ADORA2B: variants seen among roughly 807,000 people sequenced by gnomAD.
The protein encoded by ADORA2B is adenosine A2b receptor.
Under a neutral mutation model 20.8 loss-of-function variants are expected in ADORA2B, and 18 were observed. That is an observed-to-expected ratio of 0.87 (90% confidence interval 0.60 to 1.29). The LOEUF (loss-of-function observed/expected upper bound fraction) is 1.29, where lower values mean the gene tolerates loss of function less well. Ranked by LOEUF, ADORA2B falls within the 50% of genes most tolerant of loss-of-function variation. The pLI is 0.00. For missense variants in ADORA2B, 441 were observed against 422.7 expected (o/e 1.04, Z -0.38); for synonymous variants, 179 against 178.3 (o/e 1.00, Z -0.03).
the ADORA2B span, among the ~76,000 whole-genome samples, chr17:15,899,562 G>A: frequency 2.0e-5 from 3 of 152,136 alleles, no homozygotes; most frequent in African/African-American, 4.8e-5. Flanking sequence ...AGTGAGTATA[G>A]CACCCAGTTG....
the ADORA2B span, among the ~76,000 whole-genome samples, chr17:15,874,122 A>G: frequency 9.6e-6 from 1 of 104,094 alleles, no homozygotes; most frequent in Admixed American, 9.9e-5. Flanking sequence ...ATACATACAC[A>G]CACACACACA....
the ADORA2B span, among the ~76,000 whole-genome samples, chr17:15,864,912 T>G: frequency 6.6e-6 from 1 of 150,910 alleles, no homozygotes; most frequent in African/African-American, 2.5e-5. Context: ...ATGGCATCAG[T>G]GAGGTAGTGG....
At chr17:15,939,866 A>G in the ADORA2B span, among the ~76,000 whole-genome samples, 1 of 151,278 alleles carries the variant, frequency 6.6e-6, no homozygotes, top group Non-Finnish European at 1.5e-5. Context: ...TCTCAAAAAA[A>G]AAAAAAAAAA....
At chr17:15,973,381 G>T (rs1253832729) in intron 1 of ADORA2B, among the ~76,000 whole-genome samples, 1 of 152,158 alleles carries the variant, frequency 6.6e-6, no homozygotes, top group African/African-American at 2.4e-5. Context: ...ACCCCTGCTA[G>T]ATCTGAGTCT....
chr17:15,889,542 G>A, the ADORA2B span, among the ~76,000 whole-genome samples: 3 of 130,232 alleles, frequency 2.3e-5, 1 homozygote, highest in Non-Finnish European at 4.9e-5. Flanking sequence ...TTACAGGAAT[G>A]TCTGAAGATT....
chr17:15,891,872 G>T, the ADORA2B span, among the ~76,000 whole-genome samples: 1 of 136,384 alleles, frequency 7.3e-6, no homozygotes, highest in Non-Finnish European at 1.5e-5. Context: ...TTTTGAGATG[G>T]AATCTCCCTC....
At chr17:15,924,482 T>C in the ADORA2B span, among the ~76,000 whole-genome samples, 1 of 152,116 alleles carries the variant, frequency 6.6e-6, no homozygotes, top group African/African-American at 2.4e-5. Flanking sequence ...AGTTAGGCAG[T>C]ATTCTTTGGG....
chr17:15,948,812 G>C (rs1260920234), intron 1 of ADORA2B, among the ~76,000 whole-genome samples: 3 of 152,124 alleles, frequency 2.0e-5, no homozygotes, highest in Non-Finnish European at 2.9e-5. Flanking sequence ...TGTGCCTCAC[G>C]TATCTGGTCT....
chr17:15,910,103 C>G, the ADORA2B span, among the ~76,000 whole-genome samples: 1 of 152,136 alleles, frequency 6.6e-6, no homozygotes, highest in African/African-American at 2.4e-5. Context: ...AGCCTGTTAG[C>G]GCTCCTCTGA....
chr17:15,893,244 C>A, the ADORA2B span, among the ~76,000 whole-genome samples: 1 of 152,182 alleles, frequency 6.6e-6, no homozygotes, highest in Admixed American at 6.5e-5. Context: ...CTGAGACTTC[C>A]TTCTATCAAA....
chr17:15,973,698 T>A (rs772525074), intron 1 of ADORA2B, among the ~76,000 whole-genome samples: 1 of 152,176 alleles, frequency 6.6e-6, no homozygotes, highest in African/African-American at 2.4e-5. Flanking sequence ...TGTGGAAACA[T>A]TGTCTTCCAT....
intron 1 of ADORA2B, among the ~76,000 whole-genome samples, chr17:15,954,903 C>T (rs1481737835): frequency 6.6e-6 from 1 of 152,222 alleles, no homozygotes; most frequent in East Asian, 1.9e-4. Flanking sequence ...ATGATTCTTA[C>T]TTGTAACTTG....
the ADORA2B span, among the ~76,000 whole-genome samples, chr17:15,907,202 A>G: frequency 6.7e-6 from 1 of 149,282 alleles, no homozygotes; most frequent in Non-Finnish European, 1.5e-5. Context: ...CTATCCTTGT[A>G]TACTGTGAAA....
chr17:15,879,162 CAATAAGGGCCA>C, the ADORA2B span, among the ~76,000 whole-genome samples: 1 of 152,126 alleles, frequency 6.6e-6, no homozygotes, highest in Non-Finnish European at 1.5e-5. Context: ...GTCAAAAATG[CAATAAGGGCCA>C]AGTGCAGTAG....
At chr17:15,930,186 G>C in the ADORA2B span, among the ~76,000 whole-genome samples, 1 of 152,026 alleles carries the variant, frequency 6.6e-6, no homozygotes, top group African/African-American at 2.4e-5. Context: ...ATCCTGGGGC[G>C]ACCCTGTTGA....
At chr17:15,850,374 C>T in the ADORA2B span, 1 of 152,222 alleles carries the variant, frequency 6.6e-6, no homozygotes, top group African/African-American at 2.4e-5. Context: ...ACATCTAGGA[C>T]TGGCCTCCAC....
chr17:15,914,818 T>C, the ADORA2B span, among the ~76,000 whole-genome samples: 1 of 152,250 alleles, frequency 6.6e-6, no homozygotes, highest in Non-Finnish European at 1.5e-5. Context: ...AGATGGTAGC[T>C]TGATGGCAAC....
At chr17:15,896,032 A>G in the ADORA2B span, among the ~76,000 whole-genome samples, 1 of 152,170 alleles carries the variant, frequency 6.6e-6, no homozygotes, top group Non-Finnish European at 1.5e-5. Flanking sequence ...TTTTTTGGGT[A>G]TGGGCAGAGA....
chr17:15,910,019 A>G, the ADORA2B span, among the ~76,000 whole-genome samples: 3 of 152,174 alleles, frequency 2.0e-5, no homozygotes, highest in Non-Finnish European at 4.4e-5. Context: ...CTACACAGCA[A>G]GTGAGGGCAT....
Sources: allele counts gnomAD v4.1 joint callset (sites outside exome capture counted in the v4.1 genomes callset), GRCh38; gene constraint gnomAD v4.1.1; transcripts MANE v1.5; gene names NCBI Gene and HGNC (gene_info 2026-07-23, HGNC 2026-07-21).